GALNT14: variants seen among roughly 807,000 people sequenced by gnomAD.
GALNT14 encodes the protein polypeptide N-acetylgalactosaminyltransferase 14.
In GALNT14, 60 loss-of-function variants were observed where a neutral mutation model predicts 77.5. That is an observed-to-expected ratio of 0.77 (90% CI 0.63 to 0.96). The LOEUF (loss-of-function observed/expected upper bound fraction) is 0.96. Ranked by LOEUF, GALNT14 falls within the 40% of genes least tolerant of loss-of-function variation. The probability of loss-of-function intolerance (pLI) is 0.00; values close to 1 mark genes in which losing one functional copy is unlikely to be tolerated. For missense variants in GALNT14, 710 were observed against 731.0 expected (o/e 0.97, Z 0.33); for synonymous variants, 280 against 281.7 (o/e 0.99, Z 0.06).
At chr2:31,083,717 G>A (rs963265823) in intron 1 of GALNT14, among the ~76,000 whole-genome samples, 1 of 152,188 alleles carries the variant, frequency 6.6e-6, no homozygotes, top group Admixed American at 6.5e-5. Context: ...AAAGGTGTAG[G>A]TGCCTGGCTA....
At chr2:31,117,123 C>T (rs1025270142) in intron 1 of GALNT14, among the ~76,000 whole-genome samples, 2 of 152,084 alleles carry the variant, frequency 1.3e-5, no homozygotes, top group East Asian at 3.9e-4. Flanking sequence ...ATGTAATTGG[C>T]CATTAATAAA....
chr2:31,081,142 T>G lies in GALNT14; in HGVS notation c.129+56816A>C, dbSNP rs1298148904. Among the ~76,000 whole-genome samples, 3 of 152,114 alleles carry G rather than the reference T, an allele frequency of 2.0e-5. No homozygotes were observed. The East Asian group carries it at 5.8e-4, about 29-fold the overall frequency. On this transcript the variant is annotated intron_variant, in intron 1 of 14. Transcript: ENST00000349752. ...TTGCTGTGAGAATACTTTCCGAAAATAAAACCCAGTGGATCCCAGTGAAGA... is the reference window on the plus strand; with the variant it reads ...TTGCTGTGAGAATACTTTCCGAAAAGAAAACCCAGTGGATCCCAGTGAAGA...
intron 2 of GALNT14, among the ~76,000 whole-genome samples, chr2:30,968,518 C>T (rs115424228): frequency 0.011 from 1,694 of 152,316 alleles, 27 homozygotes; most frequent in African/African-American, 0.038. Flanking sequence ...GCCCTGTCTA[C>T]GGAGAGATGT....
At chr2:31,130,563 C>T (rs2148650806) in intron 1 of GALNT14, among the ~76,000 whole-genome samples, 1 of 152,244 alleles carries the variant, frequency 6.6e-6, no homozygotes, top group South Asian at 2.1e-4. Flanking sequence ...ATGTCCCCTC[C>T]TCTATCCCTC....
chr2:31,099,332 CTTTA>C (rs1677155525), intron 1 of GALNT14, among the ~76,000 whole-genome samples: 1 of 141,224 alleles, frequency 7.1e-6, no homozygotes, highest in Non-Finnish European at 1.5e-5. Flanking sequence ...CTTTGGAACT[CTTTA>C]TTTAAGTTGA....
Position 30,955,901 on chromosome 2 carries a change from C to T in GALNT14, c.532+11G>A, listed in dbSNP as rs767876855. ...CACACTGGAGGCTCCCGCACAACAG[C>T]TCAGACCTACCTTGCCGTTCATTAT... On this transcript the variant is annotated intron_variant, in intron 5 of 14. Coordinates refer to ENST00000349752, the MANE Select transcript of GALNT14 (RefSeq NM_024572.4). 1.2e-6 allele frequency: 2 copies of T among 1,613,802 alleles called. No individual in the cohort carries two copies. Among genetic ancestry groups the T allele is most frequent in the Admixed American group, 1.7e-5 (1 of 60,030 alleles).
At chr2:30,889,684 C>T in the GALNT14 span, among the ~76,000 whole-genome samples, 2 of 152,198 alleles carry the variant, frequency 1.3e-5, no homozygotes, top group Admixed American at 6.5e-5. Context: ...TCTGGGATTC[C>T]TGTACAAAGG....
chr2:31,113,821 G>C (rs917182319), intron 1 of GALNT14, among the ~76,000 whole-genome samples: 1 of 152,166 alleles, frequency 6.6e-6, no homozygotes, highest in Non-Finnish European at 1.5e-5. Context: ...AGGGAGGTGG[G>C]GGGAAAGTCT....
chr2:31,090,029 A>C (rs1676651941), intron 1 of GALNT14, among the ~76,000 whole-genome samples: 1 of 152,208 alleles, frequency 6.6e-6, no homozygotes, highest in Admixed American at 6.5e-5. Context: ...CAACTGGGAC[A>C]CCATGGACTA....
intron 2 of GALNT14, among the ~76,000 whole-genome samples, chr2:30,975,352 C>T (rs1230722262): frequency 4.6e-5 from 7 of 152,234 alleles, no homozygotes; most frequent in Non-Finnish European, 7.3e-5. Context: ...TTCTCCTAGA[C>T]ATGCATTATG....
At chr2:31,137,895 A>T in intron 1 of GALNT14, 63 bp downstream of exon 1, 1 of 1,548,538 alleles carries the variant, frequency 6.5e-7, no homozygotes, top group Non-Finnish European at 8.7e-7. Context: ...CAAACCCGGC[A>T]CGCGGGCTGC....
chr2:30,985,571 C>T (rs1052788627), intron 2 of GALNT14, among the ~76,000 whole-genome samples: 4 of 152,190 alleles, frequency 2.6e-5, no homozygotes, highest in Admixed American at 2.0e-4. Flanking sequence ...GGGCTGTGGA[C>T]ACAGTTCTGC....
At chr2:31,069,407 T>C (rs1007937992) in intron 1 of GALNT14, among the ~76,000 whole-genome samples, 1 of 152,232 alleles carries the variant, frequency 6.6e-6, no homozygotes, top group Non-Finnish European at 1.5e-5. Context: ...CCCTGTTACG[T>C]AGTAAGCACT....
chr2:30,991,972 C>G (rs1341939347), intron 2 of GALNT14, among the ~76,000 whole-genome samples: 1 of 152,192 alleles, frequency 6.6e-6, no homozygotes, highest in Admixed American at 6.5e-5. Context: ...AGTACCACAG[C>G]TTCTCAGCAT....
chr2:30,900,761 C>G, the GALNT14 span, among the ~76,000 whole-genome samples: 1 of 152,208 alleles, frequency 6.6e-6, no homozygotes, highest in South Asian at 2.1e-4. Flanking sequence ...GAGTCAGAGT[C>G]ATGAATGAGC....
intron 8 of GALNT14, among the ~76,000 whole-genome samples, chr2:30,944,301 G>T (rs1182157682): frequency 3.3e-5 from 5 of 152,190 alleles, no homozygotes; most frequent in Non-Finnish European, 5.9e-5. Context: ...TATGCTGTGG[G>T]TCACAGTGGG....
At chr2:30,950,627 A>C (rs997916589) in intron 6 of GALNT14, among the ~76,000 whole-genome samples, 2 of 152,218 alleles carry the variant, frequency 1.3e-5, no homozygotes, top group African/African-American at 4.8e-5. Context: ...GAGTCTTAGC[A>C]AAAACCTCTG....
chr2:31,003,093 TC>T (rs1316254940), intron 1 of GALNT14, among the ~76,000 whole-genome samples: 1 of 152,338 alleles, frequency 6.6e-6, no homozygotes, highest in East Asian at 1.9e-4. Context: ...CAAGTCAATA[TC>T]CCACTTGGCT....
intron 1 of GALNT14, among the ~76,000 whole-genome samples, chr2:31,042,074 C>T (rs977547453): frequency 1.3e-5 from 2 of 152,024 alleles, no homozygotes; most frequent in Admixed American, 6.6e-5. Flanking sequence ...TGCAGAGAGA[C>T]GTGTTATATA....
Sources: gnomAD v4.1 joint callset for allele counts (sites outside exome capture counted in the v4.1 genomes callset) on GRCh38, gnomAD v4.1.1 for gene constraint, MANE v1.5 for transcripts, NCBI Gene and HGNC (gene_info 2026-07-23, HGNC 2026-07-21) for gene names.